TMEM267: variants seen among roughly 807,000 people sequenced by gnomAD.
TMEM267 encodes transmembrane protein C5orf28.
TMEM267 carries 20 observed loss-of-function variants against 19.3 expected under a neutral mutation model. That is an observed-to-expected ratio of 1.04 (90% CI 0.73 to 1.51). The LOEUF is 1.51. Ranked by LOEUF, TMEM267 falls within the 40% of genes most tolerant of loss-of-function variation. TMEM267 has a pLI of 0.00. For missense variants in TMEM267, 242 were observed against 261.9 expected (o/e 0.92, Z 0.52); for synonymous variants, 88 against 90.3 (o/e 0.97, Z 0.15).
intron 1 of TMEM267, among the ~76,000 whole-genome samples, chr5:43,461,755 C>T (rs1743277580): frequency 1.3e-5 from 2 of 152,166 alleles, no homozygotes; most frequent in South Asian, 4.1e-4. Context: ...GTTTGAGTGC[C>T]AGCTCAGCTG....
chr5:43,474,275 A>G (rs1579827227), intron 1 of TMEM267, among the ~76,000 whole-genome samples: 1 of 152,240 alleles, frequency 6.6e-6, no homozygotes, highest in Admixed American at 6.5e-5. Context: ...TAATTAAACG[A>G]AAGAGCTTCT....
chr5:43,450,363 A>G (rs774695248), intron 2 of TMEM267, among the ~76,000 whole-genome samples: 2 of 152,208 alleles, frequency 1.3e-5, no homozygotes, highest in African/African-American at 2.4e-5. Flanking sequence ...TCATAGAAGT[A>G]AAAATAGATC....
chr5:43,463,055 G>A (rs1048360243), intron 1 of TMEM267, among the ~76,000 whole-genome samples: 4 of 151,942 alleles, frequency 2.6e-5, no homozygotes, highest in African/African-American at 9.7e-5. Flanking sequence ...GACTAATAAA[G>A]AAGAAAAGAG....
rs1338028101 is a variant in TMEM267 at position 43,445,415 on chromosome 5, T to A, written c.*807A>T. The A allele has an allele frequency of 6.6e-6, 1 of 152,132 alleles. No homozygotes were observed. Among genetic ancestry groups the A allele is most frequent in the Non-Finnish European group, 1.5e-5 (1 of 67,984 alleles). The allele number at this position is 152,132 out of a possible 1,614,324, so 9.4% of individuals were successfully genotyped here. ...TCTTTTTTTTGCATAAATTCAAATG[T>A]TACGGTTATGATCCAAATATCAACA... On this transcript the variant is annotated 3_prime_UTR_variant, in exon 3 of 3. Coordinates refer to ENST00000397080, the MANE Select transcript of TMEM267 (RefSeq NM_022483.5).
rs992780852 is a variant in TMEM267, at chr5:43,444,895, C to T, written c.*1327G>A. On this transcript the variant is annotated 3_prime_UTR_variant, in exon 3 of 3. Transcript: ENST00000397080. ...TTGTTAACAACAAGAAAAAAAACTCCCCTAAAGAGCTTGAACCTTCATAAT... is the reference window on the plus strand; with the variant it reads ...TTGTTAACAACAAGAAAAAAAACTCTCCTAAAGAGCTTGAACCTTCATAAT... 1 of 151,944 alleles carries T rather than the reference C, an allele frequency of 6.6e-6. No individual in the cohort carries two copies. The highest frequency in any genetic ancestry group is 2.4e-5 in the African/African-American group (1 of 41,368). 9.4% of individuals were successfully genotyped at this position (151,944 alleles called of 1,614,324 possible).
intron 2 of TMEM267, among the ~76,000 whole-genome samples, chr5:43,449,788 G>A (rs182971818): frequency 9.8e-5 from 15 of 152,298 alleles, no homozygotes; most frequent in Admixed American, 7.8e-4. Flanking sequence ...TTTTCAACAG[G>A]ATGGGATTAA....
intron 1 of TMEM267, among the ~76,000 whole-genome samples, chr5:43,473,139 C>CAAAAAAAAAAAAAAAAA: frequency 1.2e-5 from 1 of 84,508 alleles, no homozygotes; most frequent in Non-Finnish European, 2.2e-5. Flanking sequence ...CTCCGTGTCA[C>CAAAAAAAAAAAAAAAAA]AAAAAAAAAA....
chr5:43,449,289 A>G (rs542139950), intron 2 of TMEM267, among the ~76,000 whole-genome samples: 2 of 152,280 alleles, frequency 1.3e-5, no homozygotes, highest in Non-Finnish European at 2.9e-5. Flanking sequence ...AAAAGAAAAA[A>G]TGCAGGAAAC....
chr5:43,467,404 T>C (rs1361397733), intron 1 of TMEM267, among the ~76,000 whole-genome samples: 8 of 152,040 alleles, frequency 5.3e-5, no homozygotes, highest in Admixed American at 3.9e-4. Flanking sequence ...AGATATTCCA[T>C]GTTAATGGAA....
rs574967741 is a variant in TMEM267 at position 43,446,315 on chromosome 5, T to C, written c.555A>G (p.Thr185=). The C allele has an allele frequency of 6.2e-7, 1 of 1,613,832 alleles. No individual in the cohort carries two copies. Among genetic ancestry groups the C allele is most frequent in the Admixed American group, 1.7e-5 (1 of 60,028 alleles). ...ATGAACAGATGTGAGGTAAAGATGA[T>C]GTGATTATTACATAAAGCCAGAATG... ...PLPFWLYVII[T]SSLPHICSFV... The change falls in exon 3 of 3, where the codon ACA becomes ACG. Residue 185 remains threonine (T), a synonymous_variant. Transcript: ENST00000397080.
In TMEM267 at chr5:43,458,825, T is replaced by C. The variant is rs932766428; in HGVS notation, c.-74-4782A>G. Among the ~76,000 whole-genome samples the C allele has an allele frequency of 4.3e-4, 66 of 152,084 alleles. 2 individuals are homozygous for C. Among genetic ancestry groups the C allele is most frequent in the Admixed American group, 3.8e-3 (58 of 15,272 alleles). On this transcript the variant is annotated intron_variant, in intron 1 of 2. Coordinates refer to ENST00000397080, the MANE Select transcript of TMEM267 (RefSeq NM_022483.5). The stretch of plus-strand genomic sequence containing the variant: ...ACCCAAATAAAAACTCAATGCAAAG[T>C]CTACTATGCACTGAAGGAATGCACA...
intron 1 of TMEM267, among the ~76,000 whole-genome samples, chr5:43,458,113 A>T (rs1389868): frequency 0.59 from 88,859 of 151,810 alleles, 28,612 homozygotes; most frequent in African/African-American, 0.84. Flanking sequence ...TCTTTCCTTA[A>T]TTTTTGAGAC....
In TMEM267 at chr5:43,444,607, T is replaced by G. The variant is rs1742141088; in HGVS notation, c.*1615A>C. ...AGCATTCTTAAATAAGGCCCTATAT[T>G]TTTAATAATATTTATTTGTTTAATA... On this transcript the variant is annotated 3_prime_UTR_variant, in exon 3 of 3. Transcript: ENST00000397080. 6.6e-6 allele frequency: 1 copy of G among 152,132 alleles called. No homozygotes were observed. Among genetic ancestry groups the G allele is most frequent in the Non-Finnish European group, 1.5e-5 (1 of 68,032 alleles). The allele number at this position is 152,132 out of a possible 1,614,324, so 9.4% of individuals were successfully genotyped here.
intron 1 of TMEM267, among the ~76,000 whole-genome samples, chr5:43,457,856 T>G (rs1004651678): frequency 6.6e-6 from 1 of 152,250 alleles, no homozygotes; most frequent in Non-Finnish European, 1.5e-5. Context: ...TATTTTTCTC[T>G]ATTTTTCTGT....
chr5:43,472,868 G>A (rs892512488), intron 1 of TMEM267, among the ~76,000 whole-genome samples: 25 of 150,964 alleles, frequency 1.7e-4, no homozygotes, highest in Admixed American at 1.2e-3. Flanking sequence ...GGCCGGGCAC[G>A]GTGGCTCACA....
At chr5:43,455,845 G>A (rs1341250006) in intron 1 of TMEM267, among the ~76,000 whole-genome samples, 1 of 152,140 alleles carries the variant, frequency 6.6e-6, no homozygotes, top group African/African-American at 2.4e-5. Flanking sequence ...GAGCCATCGT[G>A]CCCAGCCAAT....
intron 1 of TMEM267, among the ~76,000 whole-genome samples, chr5:43,463,274 C>T (rs946211521): frequency 1.8e-4 from 27 of 152,110 alleles, no homozygotes; most frequent in African/African-American, 6.5e-4. Flanking sequence ...CAATAACAGG[C>T]TCTGAAATTG....
At chr5:43,483,442 C>T (rs34980504) in intron 1 of TMEM267, among the ~76,000 whole-genome samples, 2,109 of 152,298 alleles carry the variant, frequency 0.014, 57 homozygotes, top group East Asian at 0.13. Flanking sequence ...CTCTTACAAC[C>T]GGTTAAGGAC....
rs142168472 is a variant in TMEM267 at position 43,459,737 on chromosome 5, T to A, written c.-74-5694A>T. Among the ~76,000 whole-genome samples the A allele has an allele frequency of 3.3e-3, 504 of 152,284 alleles. 1 individual carries two copies. The highest frequency in any genetic ancestry group is 0.012 in the African/African-American group (486 of 41,556). Reference sequence around the variant, plus strand: ...AATAAAAGGCATAATCTGAATAATATAATTTATAAATTTTATTTCATACTC... The same window carrying A: ...AATAAAAGGCATAATCTGAATAATAAAATTTATAAATTTTATTTCATACTC... On this transcript the variant is annotated intron_variant, in intron 1 of 2. Transcript: ENST00000397080.
Sources: gnomAD v4.1 joint callset for allele counts (sites outside exome capture counted in the v4.1 genomes callset) on GRCh38, gnomAD v4.1.1 for gene constraint, MANE v1.5 for transcripts, NCBI Gene and HGNC (gene_info 2026-07-23, HGNC 2026-07-21) for gene names.